Variants in VMA12 observed in about 807,000 individuals in gnomAD.
The protein encoded by VMA12 is vacuolar ATPase assembly factor VMA12, also known as vacuolar ATPase assembly protein VMA12.
At chr17:28,361,139 GGT>G in the VMA12 span, 1 of 1,613,350 alleles carries the variant, frequency 6.2e-7, no homozygotes, top group Non-Finnish European at 8.5e-7. Flanking sequence ...CCTTAAGCCT[GGT>G]TCTCCCCATC....
the VMA12 span, chr17:28,357,880 G>A: frequency 6.2e-7 from 1 of 1,613,834 alleles, no homozygotes; most frequent in Non-Finnish European, 8.5e-7. Flanking sequence ...TGAGAGAAAG[G>A]GGTGAGCCCC....
chr17:28,358,904 T>G, the VMA12 span: 1 of 1,604,090 alleles, frequency 6.2e-7, no homozygotes, highest in Non-Finnish European at 8.5e-7. Context: ...TTGTGAAACC[T>G]TTTCTTCTCA....
the VMA12 span, chr17:28,362,559 G>A: frequency 6.6e-6 from 1 of 152,222 alleles, no homozygotes; most frequent in Non-Finnish European, 1.5e-5. Context: ...AGCACTTTGG[G>A]AGACCAAGGT....
At chr17:28,358,410 C>T in the VMA12 span, 2 of 472,204 alleles carry the variant, frequency 4.2e-6, no homozygotes, top group South Asian at 1.5e-5. Flanking sequence ...CATTTCTCCT[C>T]GCTGGGCCTC....
At chr17:28,361,178 G>T in the VMA12 span, 5 of 1,614,056 alleles carry the variant, frequency 3.1e-6, no homozygotes, top group Middle Eastern at 6.6e-4. Flanking sequence ...TGCATTGATC[G>T]TCGCCTCTGT....
At chr17:28,359,168 A>T in the VMA12 span, 15 of 1,021,348 alleles carry the variant, frequency 1.5e-5, no homozygotes, top group African/African-American at 2.0e-4. Context: ...CAAAAAAAAA[A>T]AAAACAGTTT....
At chr17:28,358,842 C>A in the VMA12 span, 3 of 1,171,412 alleles carry the variant, frequency 2.6e-6, no homozygotes, top group Non-Finnish European at 2.5e-6. Flanking sequence ...GAAAGAAGGG[C>A]TACACCCCTC....
chr17:28,361,313 C>A, the VMA12 span: 2 of 1,524,198 alleles, frequency 1.3e-6, no homozygotes, highest in Non-Finnish European at 1.8e-6. Flanking sequence ...AATTGGCAGT[C>A]ACCGACTCAG....
chr17:28,359,913 A>G, the VMA12 span, among the ~76,000 whole-genome samples: 1 of 146,592 alleles, frequency 6.8e-6, no homozygotes, highest in Non-Finnish European at 1.5e-5. Context: ...CTCCATCTCA[A>G]AATAAATAAA....
the VMA12 span, chr17:28,360,959 C>A: frequency 1.0e-6 from 1 of 995,454 alleles, no homozygotes; most frequent in Non-Finnish European, 1.5e-6. Context: ...ATATTTATGC[C>A]ATTAATAAGG....
the VMA12 span, chr17:28,358,613 A>G: frequency 2.1e-6 from 1 of 486,552 alleles, no homozygotes; most frequent in Non-Finnish European, 4.1e-6. Context: ...AAACTTATTT[A>G]GGGAAGAGCT....
At chr17:28,358,120 T>C in the VMA12 span, 2 of 562,020 alleles carry the variant, frequency 3.6e-6, no homozygotes, top group Admixed American at 6.1e-5. Flanking sequence ...CAGGCACACC[T>C]AGGCCCAATT....
the VMA12 span, chr17:28,357,894 C>T: frequency 3.0e-5 from 49 of 1,613,304 alleles, no homozygotes; most frequent in Non-Finnish European, 3.9e-5. Context: ...GAGCCCCAGT[C>T]TCCAGTCCGG....
the VMA12 span, chr17:28,359,053 G>A: frequency 7.0e-7 from 1 of 1,419,710 alleles, no homozygotes; most frequent in Non-Finnish European, 9.7e-7. Context: ...ATGATACACT[G>A]AACTTATAAA....
chr17:28,359,872 T>C, the VMA12 span, among the ~76,000 whole-genome samples: 3 of 151,998 alleles, frequency 2.0e-5, no homozygotes, highest in Non-Finnish European at 4.4e-5. Flanking sequence ...CACTGCACCA[T>C]TGCACTCCAG....
chr17:28,361,353 C>T, the VMA12 span: 2 of 1,153,106 alleles, frequency 1.7e-6, no homozygotes, highest in Non-Finnish European at 2.6e-6. Context: ...GTATTCAGCT[C>T]CAGTTAGTCA....
the VMA12 span, chr17:28,358,880 G>A: frequency 5.1e-6 from 8 of 1,571,418 alleles, no homozygotes; most frequent in Admixed American, 7.3e-5. Flanking sequence ...ACCTCAGCTC[G>A]TGGATCATTG....
chr17:28,358,658 CAAGTA>C, the VMA12 span, among the ~76,000 whole-genome samples: 1 of 152,204 alleles, frequency 6.6e-6, no homozygotes. Flanking sequence ...CCCAAAGGCA[CAAGTA>C]AATGGCTTAC....
At chr17:28,360,725 C>T in the VMA12 span, 1 of 1,613,570 alleles carries the variant, frequency 6.2e-7, no homozygotes, top group Non-Finnish European at 8.5e-7. Context: ...TCTCTGGCTC[C>T]TCCCCAAAGT....
Sources: gnomAD v4.1 joint callset for allele counts (sites outside exome capture counted in the v4.1 genomes callset) on GRCh38, gnomAD v4.1.1 for gene constraint, MANE v1.5 for transcripts, NCBI Gene and HGNC (gene_info 2026-07-23, HGNC 2026-07-21) for gene names.